USP43: variants seen among roughly 807,000 people sequenced by gnomAD.
USP43 encodes the protein ubiquitin carboxyl-terminal hydrolase 43.
Under a neutral mutation model 90.7 loss-of-function variants are expected in USP43, and 33 were observed. The observed-to-expected ratio is 0.36, with a 90% CI of 0.28 to 0.49. The LOEUF (loss-of-function observed/expected upper bound fraction) is 0.49. USP43 is among the 20% of genes least tolerant of loss of function. USP43 has a pLI of 0.98. For synonymous variants in USP43, 598 were observed against 615.8 expected (o/e 0.97, Z 0.43); for missense variants, 1,274 against 1,476.4 (o/e 0.86, Z 2.25).
intron 2 of USP43, among the ~76,000 whole-genome samples, chr17:9,657,834 G>C (rs552656201): frequency 6.6e-6 from 1 of 152,294 alleles, no homozygotes; most frequent in South Asian, 2.1e-4. Context: ...GATGAGATTT[G>C]GGTGGGGACA....
chr17:9,694,807 A>T lies in USP43; in HGVS notation c.1457+1577A>T, dbSNP rs535076611. ...CCTGGCTAATTTTTGTATTTTTAGT[A>T]TAGACAGGGTTTCATCATGTTGGTC... On this transcript the variant is annotated intron_variant, in intron 9 of 14. Transcript: ENST00000285199. 3.0e-3 allele frequency among the ~76,000 whole-genome samples: 456 copies of T among 152,154 alleles called. 1 individual carries two copies. The highest frequency in any genetic ancestry group is 6.2e-3 in the South Asian group (30 of 4,810).
intron 3 of USP43, among the ~76,000 whole-genome samples, chr17:9,672,154 G>A (rs766151278): frequency 1.3e-5 from 2 of 151,956 alleles, no homozygotes; most frequent in African/African-American, 2.4e-5. Context: ...CTGCCACCAC[G>A]CCCGGCTAAT....
chr17:9,646,866 C>A (rs1191814254), intron 1 of USP43, among the ~76,000 whole-genome samples: 1 of 151,924 alleles, frequency 6.6e-6, no homozygotes, highest in Non-Finnish European at 1.5e-5. Flanking sequence ...CGCATTCAAT[C>A]CCCTACAATG....
chr17:9,728,309 C>G lies in USP43; in HGVS notation c.2691C>G (p.Pro897=), dbSNP rs1917385683. 6.2e-7 allele frequency: 1 copy of G among 1,612,712 alleles called. No individual in the cohort carries two copies. Among genetic ancestry groups the G allele is most frequent in the African/African-American group, 1.3e-5 (1 of 74,898 alleles). The change falls in exon 15 of 15, where the codon CCC becomes CCG. Residue 897 remains proline, a synonymous_variant. Transcript: ENST00000285199. This position sits in a 1 kb window ranked among gnomAD's most constrained non-coding sequence, Gnocchi z 6.2. ...GGGTGCCCTGTCCCTCGGCTCAACC[C>G]AACCACTGTCTGGCCCCTGGAAACT... The part of the protein sequence containing the change: ...PAGVPCPSAQ[P]NHCLAPGNSD...
intron 7 of USP43, among the ~76,000 whole-genome samples, chr17:9,684,358 T>C (rs1914470220): frequency 6.6e-6 from 1 of 152,154 alleles, no homozygotes; most frequent in African/African-American, 2.4e-5. Context: ...GAAGGATTTA[T>C]GTCCATCCTC....
intron 1 of USP43, among the ~76,000 whole-genome samples, chr17:9,650,157 T>G (rs1380719996): frequency 1.3e-5 from 2 of 152,210 alleles, no homozygotes; most frequent in South Asian, 2.1e-4. Context: ...TGAAGTTTCT[T>G]GTATTTAAAT....
intron 4 of USP43, 26 bp downstream of exon 4, chr17:9,675,009 G>A: frequency 1.3e-6 from 2 of 1,595,782 alleles, no homozygotes; most frequent in Non-Finnish European, 8.6e-7. Flanking sequence ...GGCTTGCCCG[G>A]TGAACTTGAC....
intron 14 of USP43, among the ~76,000 whole-genome samples, chr17:9,721,769 G>A (rs1055219195): frequency 6.8e-6 from 1 of 148,136 alleles, no homozygotes; most frequent in Non-Finnish European, 1.5e-5. Flanking sequence ...TGTTGCCCAG[G>A]CTGGAGTGCA....
At chr17:9,702,418 G>A (rs1005084358) in intron 12 of USP43, among the ~76,000 whole-genome samples, 1 of 152,186 alleles carries the variant, frequency 6.6e-6, no homozygotes, top group East Asian at 1.9e-4. Context: ...AATATGGGAG[G>A]TCATTATTGG....
chr17:9,676,246 A>G (rs1015473214), intron 4 of USP43, among the ~76,000 whole-genome samples: 3 of 152,128 alleles, frequency 2.0e-5, no homozygotes, highest in African/African-American at 4.8e-5. Context: ...TTTTCCCCCA[A>G]TTCTCTGGAA....
chr17:9,659,718 G>T (rs1299410506), intron 2 of USP43, among the ~76,000 whole-genome samples: 1 of 152,004 alleles, frequency 6.6e-6, no homozygotes, highest in Non-Finnish European at 1.5e-5. Flanking sequence ...TGGGCTTAAG[G>T]GTGGAGAAGA....
In USP43 at chr17:9,681,696, G is replaced by A. The variant is rs1303859277; in HGVS notation, c.1106-1127G>A. Among the ~76,000 whole-genome samples, 3 of 151,120 alleles carry A rather than the reference G, an allele frequency of 2.0e-5. No homozygotes were observed. In the Admixed American group the frequency reaches 2.0e-4, roughly 10 times the overall value. On this transcript the variant is annotated intron_variant, in intron 6 of 14. Coordinates refer to ENST00000285199, the MANE Select transcript of USP43 (RefSeq NM_153210.5). ...TTTAGTAGAGATGGGGTTTCACCAT[G>A]TTGGCCAGGCTGGTCTCGAACTCCT...
intron 8 of USP43, among the ~76,000 whole-genome samples, chr17:9,692,867 T>A (rs905818139): frequency 6.6e-6 from 1 of 152,210 alleles, no homozygotes; most frequent in Non-Finnish European, 1.5e-5. Flanking sequence ...ATTTACTATT[T>A]AAACACACTG....
Position 9,686,122 on chromosome 17 carries a change from G to A in USP43, c.1242-676G>A, listed in dbSNP as rs776154875. 1.8e-4 allele frequency among the ~76,000 whole-genome samples: 28 copies of A among 152,092 alleles called. No individual in the cohort carries two copies. Among genetic ancestry groups the A allele is most frequent in the African/African-American group, 4.6e-4 (19 of 41,410 alleles). On this transcript the variant is annotated intron_variant, in intron 7 of 14. Transcript: ENST00000285199. The surrounding 1 kb of genome is among the most constrained non-coding windows in gnomAD (Gnocchi z 5.5). ...GTCCTCCAGCCTCATCCATCTTGCCGCAAACAACAGGATTTCATTTCTTTT... is the reference window on the plus strand; with the variant it reads ...GTCCTCCAGCCTCATCCATCTTGCCACAAACAACAGGATTTCATTTCTTTT...
At position 9,686,182 on chromosome 17, in the gene USP43, C is replaced by A. The variant is rs574002313; in HGVS notation, c.1242-616C>A. On this transcript the variant is annotated intron_variant, in intron 7 of 14. Coordinates refer to ENST00000285199, the MANE Select transcript of USP43 (RefSeq NM_153210.5). This position sits in a 1 kb window ranked among gnomAD's most constrained non-coding sequence, Gnocchi z 5.5. ...CATAGTATTCCGTTGTGTATATAGA[C>A]CACATTTTCTTTTTCATTTCTTTTC... is the stretch of plus-strand genomic sequence containing the variant. Among the ~76,000 whole-genome samples the A allele has an allele frequency of 6.6e-6, 1 of 152,136 alleles. No individual in the cohort carries two copies. Among genetic ancestry groups the A allele is most frequent in the Non-Finnish European group, 1.5e-5 (1 of 68,008 alleles).
At chr17:9,720,106 A>C (rs1006471456) in intron 14 of USP43, among the ~76,000 whole-genome samples, 1 of 151,752 alleles carries the variant, frequency 6.6e-6, no homozygotes, top group Non-Finnish European at 1.5e-5. Flanking sequence ...CAGGCAGATC[A>C]CTTGAGGTCA....
At position 9,645,780 on chromosome 17, in the gene USP43, C is replaced by A; in HGVS notation, c.148C>A (p.Pro50Thr). 7.2e-7 allele frequency: 1 copy of A among 1,394,182 alleles called. No individual in the cohort carries two copies. The highest frequency in any genetic ancestry group is 9.2e-7 in the Non-Finnish European group (1 of 1,082,664). 86.4% of individuals were successfully genotyped at this position (1,394,182 alleles called of 1,614,324 possible). ...CGGGGACTCACCGCCCCGGCCCCAG[C>A]CGGGACACTGTGATGGCGACGGTGA... ...RPGDSPPRPQ[P>T]GHCDGDGEGG... The change falls in exon 1 of 15, where the codon CCG becomes ACG. Residue 50 changes from proline (P) to threonine (T), a missense_variant. By Grantham distance (38) the Pro-to-Thr change is conservative (BLOSUM62 -1). This residue lies in a region of USP43 where 112 missense variants were observed against 106.6 expected (regional missense o/e 1.05). Transcript: ENST00000285199. The surrounding 1 kb of genome is among the most constrained non-coding windows in gnomAD (Gnocchi z 6.8).
At chr17:9,695,049 C>A (rs569034189) in intron 9 of USP43, among the ~76,000 whole-genome samples, 1 of 152,122 alleles carries the variant, frequency 6.6e-6, no homozygotes, top group Non-Finnish European at 1.5e-5. Context: ...AGCTGACCAT[C>A]CTAAAGGATA....
rs1309865971 is a variant in USP43 at position 9,709,810 on chromosome 17, C to CA, written c.2012-138dup. ...ATAACTTACTGATCTTTTCTGATTC[C>CA]AAAAAAAATTCATTTCTGGCCAAAA... On this transcript the variant is annotated intron_variant, in intron 12 of 14. Transcript: ENST00000285199. This position sits in a 1 kb window ranked among gnomAD's most constrained non-coding sequence, Gnocchi z 5.0. 7.5e-5 allele frequency: 59 copies of CA among 785,954 alleles called. No homozygotes were observed. The highest frequency in any genetic ancestry group is 3.9e-4 in the Middle Eastern group (1 of 2,580). 48.7% of individuals were successfully genotyped at this position (785,954 alleles called of 1,614,324 possible). A position where few individuals can be genotyped will look rare whatever the true frequency, so the allele number is the denominator to read the frequency against.
Sources: gnomAD v4.1 joint callset for allele counts (sites outside exome capture counted in the v4.1 genomes callset) on GRCh38, gnomAD v4.1.1 for gene constraint, gnomAD v4.1.1 regional missense constraint, Gnocchi (gnomAD v3.1) non-coding constraint, MANE v1.5 for transcripts, NCBI Gene and HGNC (gene_info 2026-07-23, HGNC 2026-07-21) for gene names.